The following MED27 variants were observed in gnomAD, a reference collection of about 807,000 sequenced individuals.
The protein encoded by MED27 is mediator of RNA polymerase II transcription subunit 27.
MED27 carries 30 observed loss-of-function variants against 38.2 expected under a neutral mutation model. That is an observed-to-expected ratio of 0.79 (90% CI 0.59 to 1.07). MED27 has a LOEUF of 1.07. MED27 is among the 50% of genes least tolerant of loss of function. The pLI, the probability that MED27 is intolerant of heterozygous loss-of-function variation, is 0.00. For synonymous variants in MED27, 122 were observed against 153.5 expected, an observed-to-expected ratio of 0.79 and a Z score of 1.52; for missense variants, 289 against 397.5, an observed-to-expected ratio of 0.73 and a Z score of 2.32.
intron 2 of MED27, among the ~76,000 whole-genome samples, chr9:132,038,113 C>T (rs2131114154): frequency 1.3e-5 from 2 of 151,690 alleles, no homozygotes; most frequent in Middle Eastern, 6.9e-3. Context: ...TTCACCAAGG[C>T]TACACTCTCA....
intron 2 of MED27, among the ~76,000 whole-genome samples, chr9:132,033,731 A>G (rs1833012570): frequency 6.6e-6 from 1 of 152,224 alleles, no homozygotes; most frequent in Non-Finnish European, 1.5e-5. Flanking sequence ...TGTCAGTGTA[A>G]CTTAGATCTT....
At chr9:131,922,326 C>T (rs1195814264) in intron 4 of MED27, among the ~76,000 whole-genome samples, 1 of 151,976 alleles carries the variant, frequency 6.6e-6, no homozygotes, top group Admixed American at 6.5e-5. Flanking sequence ...TCAGTGTGGA[C>T]TCAAGGATTA....
At chr9:131,980,916 A>G (rs991560051) in intron 3 of MED27, among the ~76,000 whole-genome samples, 9 of 152,348 alleles carry the variant, frequency 5.9e-5, no homozygotes, top group Admixed American at 2.0e-4. Flanking sequence ...AGTTTAGGAA[A>G]TAAAACCCTG....
At chr9:131,954,926 TAGAC>T (rs1392996681) in intron 3 of MED27, among the ~76,000 whole-genome samples, 1 of 152,102 alleles carries the variant, frequency 6.6e-6, no homozygotes, top group Non-Finnish European at 1.5e-5. Flanking sequence ...ACAGAACAAG[TAGAC>T]AGAAAGTCAG....
In MED27 at chr9:132,003,029, T is replaced by C. The variant is rs1380640806; in HGVS notation, c.479+11308A>G. On this transcript the variant is annotated intron_variant, in intron 3 of 7. Transcript: ENST00000292035. The surrounding 1 kb of genome is among the most constrained non-coding windows in gnomAD (Gnocchi z 4.2). ...AGTTTCACTTACAACCAGCATTAGTTGGGGGACAGCATGGTGTGAAGTATT... is the reference window on the plus strand; with the variant it reads ...AGTTTCACTTACAACCAGCATTAGTCGGGGGACAGCATGGTGTGAAGTATT... Among the ~76,000 whole-genome samples, 1 of 151,980 alleles carries C rather than the reference T, an allele frequency of 6.6e-6. No homozygotes were observed. The highest frequency in any genetic ancestry group is 6.6e-5 in the Admixed American group (1 of 15,258).
At chr9:132,071,574 A>G (rs1833938532) in intron 2 of MED27, among the ~76,000 whole-genome samples, 1 of 149,826 alleles carries the variant, frequency 6.7e-6, no homozygotes, top group Non-Finnish European at 1.5e-5. Flanking sequence ...CACACAAGTA[A>G]CCCGTATCCC....
At chr9:132,061,504 T>C (rs1476896589) in intron 2 of MED27, among the ~76,000 whole-genome samples, 2 of 152,270 alleles carry the variant, frequency 1.3e-5, no homozygotes, top group African/African-American at 4.8e-5. Flanking sequence ...ATAATAAACT[T>C]TTATAGAGCA....
intron 6 of MED27, chr9:131,869,391 CAA>C (rs10657924): frequency 0.013 from 11,178 of 884,290 alleles, no homozygotes; most frequent in Non-Finnish European, 0.014. Flanking sequence ...AGGCCTGGGG[CAA>C]AAAAAAAAAA....
At chr9:131,894,835 G>A (rs1449254062) in intron 4 of MED27, among the ~76,000 whole-genome samples, 2 of 152,074 alleles carry the variant, frequency 1.3e-5, no homozygotes, top group East Asian at 1.9e-4. Flanking sequence ...CTAGTGGGGG[G>A]TGTTTGGGTC....
intron 2 of MED27, among the ~76,000 whole-genome samples, chr9:132,054,894 G>A (rs1021624764): frequency 3.9e-5 from 6 of 151,992 alleles, no homozygotes; most frequent in African/African-American, 9.7e-5. Context: ...TACCCTCCAC[G>A]TCTGCCTGTC....
rs1564311423 is a variant in MED27 at position 131,982,761 on chromosome 9, A to C, written c.479+31576T>G. On this transcript the variant is annotated intron_variant, in intron 3 of 7. Transcript: ENST00000292035. This position sits in a 1 kb window ranked among gnomAD's most constrained non-coding sequence, Gnocchi z 4.3. ...AAATATTGTCAGCTTTTCTGGCTAC[A>C]GGATCTGCCGCAATGCCTGACCTCT... Among the ~76,000 whole-genome samples the C allele has an allele frequency of 6.6e-6, 1 of 152,198 alleles. No homozygotes were observed. The highest frequency in any genetic ancestry group is 1.5e-5 in the Non-Finnish European group (1 of 68,022).
chr9:132,071,172 T>TA (rs1833925659), intron 2 of MED27, among the ~76,000 whole-genome samples: 1 of 152,154 alleles, frequency 6.6e-6, no homozygotes, highest in Non-Finnish European at 1.5e-5. Context: ...ATTCCCATCT[T>TA]AGAGAATACA....
intron 3 of MED27, among the ~76,000 whole-genome samples, chr9:132,007,290 C>G (rs1008074188): frequency 6.6e-6 from 1 of 152,148 alleles, no homozygotes; most frequent in Non-Finnish European, 1.5e-5. Context: ...GAAAGTATTA[C>G]AAGATACTGA....
intron 3 of MED27, among the ~76,000 whole-genome samples, chr9:131,988,863 G>C (rs934470408): frequency 8.1e-6 from 1 of 122,896 alleles, no homozygotes; most frequent in Non-Finnish European, 1.7e-5. Flanking sequence ...GAAGTTAAAA[G>C]TTACATGTGG....
At chr9:131,870,251 A>G (rs1218596421) in intron 6 of MED27, among the ~76,000 whole-genome samples, 1 of 152,238 alleles carries the variant, frequency 6.6e-6, no homozygotes, top group Admixed American at 6.5e-5. Context: ...TACGCTGCAC[A>G]GCTCAGGGTG....
At chr9:131,885,296 G>A (rs746780346) in intron 5 of MED27, among the ~76,000 whole-genome samples, 22 of 152,226 alleles carry the variant, frequency 1.4e-4, no homozygotes, top group African/African-American at 4.1e-4. Context: ...GCTATCTGGC[G>A]AGGCATCTTA....
At chr9:131,940,604 T>C (rs532061058) in intron 3 of MED27, among the ~76,000 whole-genome samples, 19 of 152,104 alleles carry the variant, frequency 1.2e-4, no homozygotes, top group African/African-American at 4.6e-4. Context: ...TTAGTAGAGA[T>C]GGAGTTTTAC....
chr9:132,041,582 C>T (rs1589284021), intron 2 of MED27, among the ~76,000 whole-genome samples: 2 of 152,182 alleles, frequency 1.3e-5, no homozygotes, highest in South Asian at 2.1e-4. Flanking sequence ...CCTCACACGG[C>T]GTCAGAAGGC....
intron 6 of MED27, among the ~76,000 whole-genome samples, chr9:131,867,396 T>C (rs1165731572): frequency 6.6e-6 from 1 of 152,204 alleles, no homozygotes; most frequent in Non-Finnish European, 1.5e-5. Context: ...AGGATGGATA[T>C]GTAATGTGAG....
Sources: gnomAD v4.1 joint callset for allele counts (sites outside exome capture counted in the v4.1 genomes callset) on GRCh38, gnomAD v4.1.1 for gene constraint, Gnocchi (gnomAD v3.1) non-coding constraint, MANE v1.5 for transcripts, NCBI Gene and HGNC (gene_info 2026-07-23, HGNC 2026-07-21) for gene names.